Variants in CSMD3 observed in about 807,000 individuals in gnomAD.
CSMD3 encodes CUB and sushi domain-containing protein 3.
CSMD3 carries 177 observed loss-of-function variants against 435.2 expected under a neutral mutation model. The ratio of observed to expected loss-of-function variants is 0.41; its 90% CI spans 0.36 to 0.46. The LOEUF is 0.46. Among genes scored for constraint, CSMD3 ranks in the 20% least tolerant of loss-of-function variants. The pLI is 0.34. For missense variants in CSMD3, 4,265 were observed against 4,504.6 expected (o/e 0.95, Z 1.52); for synonymous variants, 1,656 against 1,520.5 (o/e 1.09, Z -2.07).
chr8:112,783,515 G>A (rs1176166707), intron 13 of CSMD3, among the ~76,000 whole-genome samples: 1 of 137,702 alleles, frequency 7.3e-6, no homozygotes, highest in African/African-American at 2.7e-5. Flanking sequence ...AGGAAGGGAG[G>A]GAGGGAGGGA....
chr8:113,383,342 A>G (rs919131616), intron 1 of CSMD3, among the ~76,000 whole-genome samples: 5 of 152,172 alleles, frequency 3.3e-5, no homozygotes, highest in African/African-American at 9.7e-5. Flanking sequence ...TATCAAAGAG[A>G]GTTTTAACAA....
intron 22 of CSMD3, among the ~76,000 whole-genome samples, chr8:112,589,538 T>A (rs1831001942): frequency 6.6e-6 from 1 of 152,204 alleles, no homozygotes; most frequent in East Asian, 1.9e-4. Flanking sequence ...CATGGTTCCA[T>A]GCTTATGAAT....
chr8:112,318,638 A>G (rs539249017), intron 47 of CSMD3, among the ~76,000 whole-genome samples, 199 bp downstream of exon 47: 41 of 152,232 alleles, frequency 2.7e-4, no homozygotes, highest in African/African-American at 9.6e-4. Context: ...CCCTTGAAAG[A>G]ATCAAAGATG....
chr8:112,809,696 G>A (rs546201256), intron 12 of CSMD3, among the ~76,000 whole-genome samples: 14 of 152,210 alleles, frequency 9.2e-5, no homozygotes, highest in Middle Eastern at 6.8e-3. Context: ...TGGGCTTAAT[G>A]TTCCAGTCAC....
chr8:112,526,554 G>A (rs904472084), intron 27 of CSMD3, among the ~76,000 whole-genome samples: 13 of 151,804 alleles, frequency 8.6e-5, no homozygotes, highest in African/African-American at 2.9e-4. Context: ...TATGAATTTT[G>A]TGTATACAAC....
intron 5 of CSMD3, among the ~76,000 whole-genome samples, chr8:113,084,913 CAGA>C (rs1374418509): frequency 4.6e-5 from 7 of 151,746 alleles, no homozygotes; most frequent in Non-Finnish European, 1.0e-4. Flanking sequence ...TATTCATATG[CAGA>C]AGAATATAAT....
chr8:113,081,600 G>A (rs930967012), intron 5 of CSMD3, among the ~76,000 whole-genome samples: 1 of 152,184 alleles, frequency 6.6e-6, no homozygotes, highest in Non-Finnish European at 1.5e-5. Context: ...GGTCTCTCCC[G>A]CCTTCTAGGA....
At chr8:113,260,409 G>A (rs1027255012) in intron 3 of CSMD3, among the ~76,000 whole-genome samples, 1 of 152,086 alleles carries the variant, frequency 6.6e-6, no homozygotes, top group Non-Finnish European at 1.5e-5. Context: ...TTCCTCTCCT[G>A]TAAAAAGTCA....
intron 7 of CSMD3, among the ~76,000 whole-genome samples, chr8:112,962,914 G>T (rs541097607): frequency 6.6e-6 from 1 of 151,916 alleles, no homozygotes; most frequent in South Asian, 2.1e-4. Context: ...CTGGGAGCTT[G>T]TTAGAAAAGC....
chr8:112,972,147 A>C (rs2084681516), intron 7 of CSMD3, among the ~76,000 whole-genome samples: 1 of 151,956 alleles, frequency 6.6e-6, no homozygotes, highest in Non-Finnish European at 1.5e-5. Context: ...TATTGATGTC[A>C]ATTATTAATA....
chr8:112,380,904 C>T (rs905411261), intron 37 of CSMD3, among the ~76,000 whole-genome samples: 2 of 152,016 alleles, frequency 1.3e-5, no homozygotes, highest in Non-Finnish European at 2.9e-5. Context: ...CTCTGTTTTC[C>T]AATATGTTTT....
At chr8:112,382,546 C>T (rs1029705493) in intron 37 of CSMD3, among the ~76,000 whole-genome samples, 1 of 152,018 alleles carries the variant, frequency 6.6e-6, no homozygotes, top group African/African-American at 2.4e-5. Context: ...TTCAGCATAT[C>T]TGAATTGAGT....
chr8:112,708,182 G>A (rs1271544419), intron 13 of CSMD3, among the ~76,000 whole-genome samples: 1 of 151,782 alleles, frequency 6.6e-6, no homozygotes, highest in Admixed American at 6.6e-5. Context: ...AATTTCATAT[G>A]GTCCCTAATG....
In CSMD3 at chr8:112,681,095, C is replaced by T. The variant is rs186000611; in HGVS notation, c.2677+1347G>A. Among the ~76,000 whole-genome samples, 776 of 149,970 alleles carry T rather than the reference C, an allele frequency of 5.2e-3. 7 individuals carry two copies. The highest frequency in any genetic ancestry group is 0.017 in the African/African-American group (699 of 40,864). ...CTATCACCAGGCTGGAGTGCAGTGG[C>T]GCGATCTCAGCTCACTGCAACCTCT... On this transcript the variant is annotated intron_variant, in intron 16 of 70. Transcript: ENST00000297405.
At chr8:112,443,463 C>A (rs1815263995) in intron 32 of CSMD3, among the ~76,000 whole-genome samples, 1 of 152,252 alleles carries the variant, frequency 6.6e-6, no homozygotes, top group Non-Finnish European at 1.5e-5. Flanking sequence ...TACAAAAAAT[C>A]TATCTCAACA....
At chr8:112,953,632 A>C (rs1256741367) in intron 8 of CSMD3, among the ~76,000 whole-genome samples, 2 of 151,408 alleles carry the variant, frequency 1.3e-5, no homozygotes, top group African/African-American at 4.8e-5. Flanking sequence ...GACACCATTA[A>C]TATTTGATAT....
intron 5 of CSMD3, among the ~76,000 whole-genome samples, chr8:113,040,067 G>C (rs186025607): frequency 6.1e-4 from 93 of 152,270 alleles, no homozygotes; most frequent in African/African-American, 2.2e-3. Context: ...ACTAAGTGGT[G>C]TGGGTGGTAC....
chr8:112,428,516 G>A (rs1304646703), intron 32 of CSMD3, among the ~76,000 whole-genome samples: 1 of 152,124 alleles, frequency 6.6e-6, no homozygotes, highest in East Asian at 1.9e-4. Context: ...TATTTATTGA[G>A]AACTGATAAT....
intron 11 of CSMD3, among the ~76,000 whole-genome samples, chr8:112,849,882 G>A (rs1051423630): frequency 4.6e-5 from 7 of 152,126 alleles, no homozygotes; most frequent in Non-Finnish European, 2.9e-5. Flanking sequence ...TTGGGTTCTA[G>A]GTAGTAGGAA....
Sources: allele counts gnomAD v4.1 joint callset (sites outside exome capture counted in the v4.1 genomes callset), GRCh38; gene constraint gnomAD v4.1.1; transcripts MANE v1.5; gene names NCBI Gene and HGNC (gene_info 2026-07-23, HGNC 2026-07-21).